The following DYRK1A variants were observed in gnomAD, a reference collection of about 807,000 sequenced individuals.
The protein encoded by DYRK1A is dual specificity tyrosine phosphorylation regulated kinase 1A, also known as dual specificity tyrosine-phosphorylation-regulated kinase 1A.
Under a neutral mutation model 79.7 loss-of-function variants are expected in DYRK1A, and 9 were observed. The ratio of observed to expected loss-of-function variants is 0.11; its 90% CI spans 0.07 to 0.20. DYRK1A has a LOEUF of 0.20. DYRK1A is among the 10% of genes least tolerant of loss of function. The pLI, the probability that DYRK1A is intolerant of heterozygous loss-of-function variation, is 1.00. For missense variants in DYRK1A, 622 were observed against 956.0 expected, an observed-to-expected ratio of 0.65 and a Z score of 4.61; for synonymous variants, 349 against 329.7, an observed-to-expected ratio of 1.06 and a Z score of -0.63.
intron 5 of DYRK1A, among the ~76,000 whole-genome samples, chr21:37,484,890 T>G (rs895185928): frequency 7.9e-5 from 12 of 152,182 alleles, no homozygotes; most frequent in Non-Finnish European, 1.5e-5. Context: ...GGCTGAGGTG[T>G]TGTGCAGTGT....
intron 11 of DYRK1A, among the ~76,000 whole-genome samples, chr21:37,510,599 C>T (rs932199151): frequency 3.9e-5 from 6 of 152,070 alleles, no homozygotes; most frequent in Non-Finnish European, 8.8e-5. Flanking sequence ...TATAACAGAC[C>T]CCCAAAATAT....
rs2051328908 is a variant in DYRK1A at position 37,448,065 on chromosome 21, A to G, written c.11-24619A>G. Among the ~76,000 whole-genome samples, 2 of 152,174 alleles carry G rather than the reference A, an allele frequency of 1.3e-5. 1 individual carries two copies. The highest frequency in any genetic ancestry group is 1.3e-4 in the Admixed American group (2 of 15,282). On this transcript the variant is annotated intron_variant, in intron 2 of 11. Coordinates refer to ENST00000647188, the MANE Select transcript of DYRK1A (RefSeq NM_001347721.2). The stretch of plus-strand genomic sequence containing the variant: ...TTAACTTCTACTTAGTAATTTAAAA[A>G]TCTGCTATATTTTAGACCATCTTTT...
chr21:37,495,961 G>A lies in DYRK1A; in HGVS notation c.1072-157G>A, dbSNP rs930267007. The A allele has an allele frequency of 1.3e-5, 8 of 609,970 alleles. 1 individual carries two copies. Among genetic ancestry groups the A allele is most frequent in the South Asian group, 1.3e-4 (5 of 39,872 alleles). The allele number at this position is 609,970 out of a possible 1,614,324, so 37.8% of individuals were successfully genotyped here. ...GGGGTATTTGACTCAAGGAAGGTAG[G>A]GCCTTTCTTGTGTTTGTTCATTACT... On this transcript the variant is annotated intron_variant, in intron 8 of 11. Transcript: ENST00000647188.
In DYRK1A at chr21:37,478,328, C is replaced by T; in HGVS notation, c.300+28C>T. Reference sequence around the variant, plus strand: ...AAGACTTGATTTGTTATAATAACATCTATCTTGCAGTATGTCATTGAGAAA... The same window carrying T: ...AAGACTTGATTTGTTATAATAACATTTATCTTGCAGTATGTCATTGAGAAA... On this transcript the variant is annotated intron_variant, in intron 4 of 11. Transcript: ENST00000647188. 4.4e-6 allele frequency: 7 copies of T among 1,599,452 alleles called. No homozygotes were observed. The South Asian group carries it at 6.7e-5, about 15-fold the overall frequency.
At chr21:37,472,619 T>A in intron 2 of DYRK1A, 65 bp from the exon 3 acceptor site, 1 of 1,319,554 alleles carries the variant, frequency 7.6e-7, no homozygotes, top group Non-Finnish European at 1.0e-6. Flanking sequence ...AACCATTAGA[T>A]ATGTCAAATG....
chr21:37,464,834 T>G (rs1435375134), intron 2 of DYRK1A, among the ~76,000 whole-genome samples: 1 of 152,188 alleles, frequency 6.6e-6, no homozygotes, highest in Non-Finnish European at 1.5e-5. Context: ...TCCATTAACA[T>G]TTGCATTAAA....
At chr21:37,413,303 GT>G (rs2050276326) in intron 1 of DYRK1A, among the ~76,000 whole-genome samples, 1 of 151,944 alleles carries the variant, frequency 6.6e-6, no homozygotes, top group Non-Finnish European at 1.5e-5. Context: ...AAAGGCAATG[GT>G]TTATAAAATG....
chr21:37,460,151 GA>G lies in DYRK1A; in HGVS notation c.11-12532del, dbSNP rs750534687. On this transcript the variant is annotated intron_variant, in intron 2 of 11. Transcript: ENST00000647188. ...AGTGTTAGTTTTTAATGTTTCAAAAGATTTTTTTTGCAGTCATTTAAAATCA... is the reference window on the plus strand; with the variant it reads ...AGTGTTAGTTTTTAATGTTTCAAAAGTTTTTTTTGCAGTCATTTAAAATCA... Among the ~76,000 whole-genome samples, 24 of 151,534 alleles carry G rather than the reference GA, an allele frequency of 1.6e-4. 1 individual carries two copies. Among genetic ancestry groups the G allele is most frequent in the Non-Finnish European group, 2.7e-4 (18 of 67,910 alleles).
Position 37,491,073 on chromosome 21 carries a change from C to A in DYRK1A, c.924+612C>A, listed in dbSNP as rs150011228. Among the ~76,000 whole-genome samples, 1,227 of 152,188 alleles carry A rather than the reference C, an allele frequency of 8.1e-3. 7 individuals carry two copies. The highest frequency in any genetic ancestry group is 0.011 in the Non-Finnish European group (750 of 67,976). The stretch of plus-strand genomic sequence containing the variant: ...ATAGAAAATTCAGTTGATAGACTTA[C>A]TTGTTTTGATAAATAAGTTTGTCTT... On this transcript the variant is annotated intron_variant, in intron 7 of 11. Transcript: ENST00000647188.
At chr21:37,495,588 C>T (rs532293121) in intron 8 of DYRK1A, among the ~76,000 whole-genome samples, 4 of 152,004 alleles carry the variant, frequency 2.6e-5, no homozygotes, top group Middle Eastern at 3.4e-3. Flanking sequence ...GCCGAGATTG[C>T]GCCACCGCAC....
intron 1 of DYRK1A, among the ~76,000 whole-genome samples, chr21:37,371,467 G>T (rs2049428247): frequency 6.6e-6 from 1 of 152,176 alleles, no homozygotes; most frequent in African/African-American, 2.4e-5. Context: ...TTGTTTATTG[G>T]TGATAATACC....
intron 1 of DYRK1A, among the ~76,000 whole-genome samples, chr21:37,416,854 G>A (rs1004771890): frequency 2.0e-5 from 3 of 151,926 alleles, no homozygotes; most frequent in Non-Finnish European, 4.4e-5. Context: ...TGAAATATGC[G>A]AGCATTTATA....
chr21:37,446,802 A>G (rs1330305265), intron 2 of DYRK1A, among the ~76,000 whole-genome samples: 1 of 152,168 alleles, frequency 6.6e-6, no homozygotes, highest in African/African-American at 2.4e-5. Context: ...AATGCCTGTA[A>G]TATGCCTTAG....
chr21:37,426,868 C>T (rs867040484), intron 2 of DYRK1A, among the ~76,000 whole-genome samples: 58 of 143,154 alleles, frequency 4.1e-4, no homozygotes, highest in African/African-American at 1.5e-3. Context: ...TGCAGTGAGC[C>T]GAGATAGCGC....
rs2053854944 is a variant in DYRK1A, at chr21:37,514,819, TATC to T, written c.*2291_*2293del. 6.6e-6 allele frequency: 1 copy of T among 152,568 alleles called. No homozygotes were observed. Among genetic ancestry groups the T allele is most frequent in the Non-Finnish European group, 1.5e-5 (1 of 68,034 alleles). 9.5% of individuals were successfully genotyped at this position (152,568 alleles called of 1,614,324 possible). A position where few individuals can be genotyped will look rare whatever the true frequency, so the allele number is the denominator to read the frequency against. ...GCTGTTTAGGAATATAAGGTTAAGA[TATC>T]ATATGGGTCAGGTCATTTTTTTTTT... On this transcript the variant is annotated 3_prime_UTR_variant, in exon 12 of 12. Transcript: ENST00000647188.
At chr21:37,444,572 G>A (rs529056805) in intron 2 of DYRK1A, among the ~76,000 whole-genome samples, 8 of 152,092 alleles carry the variant, frequency 5.3e-5, no homozygotes, top group Non-Finnish European at 1.2e-4. Context: ...CAGAAAAGAT[G>A]GACAAGAAGG....
chr21:37,447,288 T>C (rs540633053), intron 2 of DYRK1A, among the ~76,000 whole-genome samples: 96 of 152,226 alleles, frequency 6.3e-4, no homozygotes, highest in African/African-American at 1.9e-3. Context: ...AAAGTGACAA[T>C]GACACACCCC....
At chr21:37,369,473 T>TA (rs2049386683) in intron 1 of DYRK1A, among the ~76,000 whole-genome samples, 1 of 152,264 alleles carries the variant, frequency 6.6e-6, no homozygotes, top group African/African-American at 2.4e-5. Flanking sequence ...TTCCCTGGTA[T>TA]AGCAGTGGTG....
chr21:37,366,537 C>T (rs1203387277), upstream of DYRK1A, among the ~76,000 whole-genome samples: 1 of 150,818 alleles, frequency 6.6e-6, no homozygotes, highest in Non-Finnish European at 1.5e-5. Flanking sequence ...CTCCCCCGGG[C>T]GAATCACGCG....
Sources: gnomAD v4.1 joint callset for allele counts (sites outside exome capture counted in the v4.1 genomes callset) on GRCh38, gnomAD v4.1.1 for gene constraint, MANE v1.5 for transcripts, NCBI Gene and HGNC (gene_info 2026-07-23, HGNC 2026-07-21) for gene names.